ROBO4: variants seen among roughly 807,000 people sequenced by gnomAD.
The protein encoded by ROBO4 is roundabout homolog 4.
In ROBO4, 80 loss-of-function variants were observed where a neutral mutation model predicts 103.3. That is an observed-to-expected ratio of 0.77 (90% confidence interval 0.65 to 0.93). ROBO4 has a LOEUF of 0.93. Among genes scored for constraint, ROBO4 ranks in the 40% least tolerant of loss-of-function variants. ROBO4 has a pLI of 0.00. For missense variants in ROBO4, 1,333 were observed against 1,305.3 expected (o/e 1.02, Z -0.33); for synonymous variants, 504 against 529.7 (o/e 0.95, Z 0.67).
In ROBO4 at chr11:124,894,210, G is replaced by A; in HGVS notation, c.1309C>T (p.Leu437Phe). 2 of 1,611,092 alleles carry A rather than the reference G, an allele frequency of 1.2e-6. No individual in the cohort carries two copies. The highest frequency in any genetic ancestry group is 1.7e-6 in the Non-Finnish European group (2 of 1,178,456). ...GAGEPSRPVC[L>F]LLEQAMERAT... ...TGGGCACTGCCCTCACCTAAAAGGA[G>A]GCAGACAGGTCTACTGGGCTCCCCA... The change falls in exon 8 of 18, where the codon CTC becomes TTC. Residue 437 changes from leucine to phenylalanine, a missense_variant. Physicochemically the swap from Leu to Phe is conservative, Grantham distance 22. Coordinates refer to ENST00000306534, the MANE Select transcript of ROBO4 (RefSeq NM_019055.6).
Position 124,884,802 on chromosome 11 carries a change from G to C in ROBO4, c.*89C>G. On this transcript the variant is annotated 3_prime_UTR_variant, in exon 18 of 18. Transcript: ENST00000306534. ...TGGACCCCAGCTGCAGAGAAACACA[G>C]GCCAAGACCCACACACCACAGCCCA... The C allele has an allele frequency of 6.9e-7, 1 of 1,449,292 alleles. No individual in the cohort carries two copies. The highest frequency in any genetic ancestry group is 1.1e-5 in the South Asian group (1 of 87,706). The allele number at this position is 1,449,292 out of a possible 1,614,324, so 89.8% of individuals were successfully genotyped here. A position where few individuals can be genotyped will look rare whatever the true frequency, so the allele number is the denominator to read the frequency against.
chr11:124,896,934 G>A lies in ROBO4; in HGVS notation c.398C>T (p.Ala133Val). The stretch of plus-strand genomic sequence containing the variant: ...GAAGCTCCCCTCCCAGGCCTCACCA[G>A]CCACAGACAGCCGAGCGCCTCTGCT... ...AVSRGARLSV[A>V]VLREDFQIQP... The change falls in exon 2 of 18, where the codon GCT becomes GTT. Residue 133 changes from alanine (A) to valine (V), a missense_variant and splice_region_variant. Coordinates refer to ENST00000306534, the MANE Select transcript of ROBO4 (RefSeq NM_019055.6). The A allele has an allele frequency of 6.2e-7, 1 of 1,611,578 alleles. No homozygotes were observed. Among genetic ancestry groups the A allele is most frequent in the East Asian group, 2.2e-5 (1 of 44,846 alleles).
rs1046115907 is a variant in ROBO4 at position 124,884,471 on chromosome 11, G to A, written c.*420C>T. The stretch of plus-strand genomic sequence containing the variant: ...GGAGGGGCCCAGGTAAGGCTGAGAG[G>A]GGGCTCCGAGAAGCTCCTTCCTCCA... On this transcript the variant is annotated 3_prime_UTR_variant, in exon 18 of 18. Coordinates refer to ENST00000306534, the MANE Select transcript of ROBO4 (RefSeq NM_019055.6). 3 of 223,382 alleles carry A rather than the reference G, an allele frequency of 1.3e-5. No individual in the cohort carries two copies. In the Admixed American group the frequency reaches 1.6e-4, roughly 12 times the overall value. 13.8% of individuals were successfully genotyped at this position (223,382 alleles called of 1,614,324 possible).
rs761647720 is a variant in ROBO4 at position 124,887,478 on chromosome 11, A to G, written c.2078T>C (p.Val693Ala). The change falls in exon 14 of 18, where the codon GTT becomes GCT. Residue 693 changes from valine to alanine, a missense_variant. Coordinates refer to ENST00000306534, the MANE Select transcript of ROBO4 (RefSeq NM_019055.6). Reference protein sequence around the residue: ...QSPGAVPQALVAWRALGPKLL... With the variant: ...QSPGAVPQALAAWRALGPKLL... ...TTTCGGTCCCAGGGCCCGCCAGGCA[A>G]CCAGAGCTTGGGGCACAGCTCCTGG... 7 of 1,613,738 alleles carry G rather than the reference A, an allele frequency of 4.3e-6. No homozygotes were observed. In the East Asian group the frequency reaches 1.3e-4, roughly 31 times the overall value.
At chr11:124,889,215 A>T (rs1946764972) in intron 12 of ROBO4, among the ~76,000 whole-genome samples, 1 of 152,140 alleles carries the variant, frequency 6.6e-6, no homozygotes, top group African/African-American at 2.4e-5. Flanking sequence ...CTTTCATATG[A>T]CCCAGGTAAT....
rs1470104304 is a variant in ROBO4, at chr11:124,886,562, G to T, written c.2696C>A (p.Ser899Tyr). Residue 899 changes from serine to tyrosine, a missense_variant, in exon 16 of 18, where the codon TCC (serine) becomes TAC (tyrosine). Transcript: ENST00000306534. ...RASLVSSSDGSFLADAHFARA... is the reference protein window; with the variant it reads ...RASLVSSSDGYFLADAHFARA... ...GGCAAAGTGAGCATCAGCGAGGAAG[G>T]AGCCATCGGAGGAGCTGACAAGGCT... The T allele has an allele frequency of 6.2e-7, 1 of 1,614,212 alleles. No individual in the cohort carries two copies. The highest frequency in any genetic ancestry group is 2.2e-5 in the East Asian group (1 of 44,880).
At chr11:124,887,943 G>T in intron 12 of ROBO4, 103 bp from the exon 13 acceptor site, 2 of 892,104 alleles carry the variant, frequency 2.2e-6, no homozygotes, top group South Asian at 1.8e-5. Context: ...GCACGACCCT[G>T]AACCCAGAGA....
At chr11:124,887,536 T>C in intron 13 of ROBO4, 37 bp from the exon 14 acceptor site, 1 of 1,611,946 alleles carries the variant, frequency 6.2e-7, no homozygotes, top group Non-Finnish European at 8.5e-7. Context: ...AACAGTGGCA[T>C]CCCCATCTGC....
Position 124,897,256 on chromosome 11 carries a change from T to C in ROBO4, c.76A>G (p.Met26Val), listed in dbSNP as rs1306559365. 2.1e-6 allele frequency: 3 copies of C among 1,440,018 alleles called. No individual in the cohort carries two copies. The highest frequency in any genetic ancestry group is 2.9e-5 in the African/African-American group (2 of 69,644). 89.2% of individuals were successfully genotyped at this position (1,440,018 alleles called of 1,614,324 possible). Residue 26 changes from methionine (M) to valine (V), a missense_variant, in exon 2 of 18, where the codon ATG (methionine) becomes GTG (valine). Transcript: ENST00000306534. ...ATCTGGGGCGGGGAGTCCTGAGCCA[T>C]GCCTCCTGGGAGGGAAAGGGAGCAG... ...PLLLLLIMGG[M>V]AQDSPPQILV...
intron 12 of ROBO4, among the ~76,000 whole-genome samples, chr11:124,889,331 G>T (rs547715090): frequency 1.3e-5 from 2 of 152,282 alleles, no homozygotes; most frequent in Non-Finnish European, 2.9e-5. Context: ...GCACAAGTTG[G>T]TTGGCTGGTT....
At position 124,886,448 on chromosome 11, in the gene ROBO4, G is replaced by T. The variant is rs1358584153; in HGVS notation, c.2794+16C>A. On this transcript the variant is annotated intron_variant, in intron 16 of 17. Transcript: ENST00000306534. ...AGGGGCATGAGTGAGGAGTAAGATGGGGAGACCTCACATACCTATGAAGAC... is the reference window on the plus strand; with the variant it reads ...AGGGGCATGAGTGAGGAGTAAGATGTGGAGACCTCACATACCTATGAAGAC... 6 of 1,586,680 alleles carry T rather than the reference G, an allele frequency of 3.8e-6. No individual in the cohort carries two copies. The highest frequency in any genetic ancestry group is 5.2e-6 in the Non-Finnish European group (6 of 1,157,446).
Position 124,891,440 on chromosome 11 carries a change from C to T in ROBO4, c.1807G>A (p.Ala603Thr). ...TPARPSPQVP[A>T]VRRLPPQLAQ... is the part of the protein sequence containing the mutation. ...AGCTGGGGTGGGAGGCGCCTGACAG[C>T]TGGGACCTGGGGACTTGGCCTGGCT... Residue 603 changes from alanine to threonine, a missense_variant, in exon 12 of 18, where the codon GCT becomes ACT. By Grantham distance (58) the Ala-to-Thr change is moderately conservative (BLOSUM62 0). Coordinates refer to ENST00000306534, the MANE Select transcript of ROBO4 (RefSeq NM_019055.6). 1 of 1,599,254 alleles carries T rather than the reference C, an allele frequency of 6.3e-7. No homozygotes were observed. Among genetic ancestry groups the T allele is most frequent in the Non-Finnish European group, 8.5e-7 (1 of 1,171,646 alleles).
intron 16 of ROBO4, among the ~76,000 whole-genome samples, chr11:124,885,469 G>A (rs866468223): frequency 6.6e-6 from 1 of 152,116 alleles, no homozygotes; most frequent in African/African-American, 2.4e-5. Flanking sequence ...CCCAGCTCTG[G>A]CCTTCTATCT....
rs7104934 is a variant in ROBO4 at position 124,886,510 on chromosome 11, G to A, written c.2748C>T (p.Ser916=). Residue 916 remains serine, a synonymous_variant, in exon 16 of 18, where the codon AGC becomes AGT. Transcript: ENST00000306534. The stretch of plus-strand genomic sequence containing the variant: ...CCCTGGGCTCTAGACCGAAACCAAA[G>A]CTATCCACAGCCACTGCCAGGGCCC... ...FARALAVAVD[S]FGFGLEPREA... is the part of the protein sequence containing the mutation. 255,166 of 1,613,978 alleles carry A rather than the reference G, an allele frequency of 0.16. 23,521 individuals are homozygous for A. Among genetic ancestry groups the A allele is most frequent in the African/African-American group, 0.42 (31,245 of 74,960 alleles).
Position 124,895,469 on chromosome 11 carries a change from G to T in ROBO4, c.1024C>A (p.Leu342Met). The change falls in exon 6 of 18, where the codon CTG (leucine) becomes ATG (methionine). Residue 342 changes from leucine (L) to methionine (M), a missense_variant. By Grantham distance (15) the Leu-to-Met change is conservative. Transcript: ENST00000306534. Reference protein sequence around the residue: ...GPDSNVLLLRLPEKVPSAPPQ... With the variant: ...GPDSNVLLLRMPEKVPSAPPQ... Reference sequence around the variant, plus strand: ...ATCAGGCCCTGACCTTTTTCCGGCAGCCTCAGGAGCAGCACGTTGCTGTCA... The same window carrying T: ...ATCAGGCCCTGACCTTTTTCCGGCATCCTCAGGAGCAGCACGTTGCTGTCA... 6.2e-7 allele frequency: 1 copy of T among 1,609,822 alleles called. No individual in the cohort carries two copies. Among genetic ancestry groups the T allele is most frequent in the Non-Finnish European group, 8.5e-7 (1 of 1,179,880 alleles).
chr11:124,889,018 G>A (rs1413037616), intron 12 of ROBO4, among the ~76,000 whole-genome samples: 2 of 152,158 alleles, frequency 1.3e-5, no homozygotes, highest in Non-Finnish European at 1.5e-5. Flanking sequence ...TCAGAGATCT[G>A]GGGGCCACTA....
In ROBO4 at chr11:124,891,665, C is replaced by G; in HGVS notation, c.1684+1G>C. The G allele has an allele frequency of 6.2e-7, 1 of 1,614,208 alleles. No homozygotes were observed. Reference sequence around the variant, plus strand: ...CCCTTGCCCCCACTGAGCATGCTCACAGGAGCGACGACAGTCTAGTGGGTC... The same window carrying G: ...CCCTTGCCCCCACTGAGCATGCTCAGAGGAGCGACGACAGTCTAGTGGGTC... On this transcript the variant is annotated splice_donor_variant, in intron 11 of 17. Coordinates refer to ENST00000306534, the MANE Select transcript of ROBO4 (RefSeq NM_019055.6). LOFTEE classifies it high-confidence loss of function.
At chr11:124,887,258 T>C (rs1347947095) in intron 14 of ROBO4, 45 bp from the exon 15 acceptor site, 3 of 1,592,454 alleles carry the variant, frequency 1.9e-6, no homozygotes, top group Non-Finnish European at 2.6e-6. Flanking sequence ...ACTACAGCTC[T>C]TCAAGTCCTT....
chr11:124,886,379 G>A, intron 16 of ROBO4, 85 bp downstream of exon 16: 1 of 1,029,844 alleles, frequency 9.7e-7, no homozygotes, highest in Non-Finnish European at 1.5e-6. Context: ...AATAAAACTA[G>A]TTGTTTTAAC....
Sources: allele counts gnomAD v4.1 joint callset (sites outside exome capture counted in the v4.1 genomes callset), GRCh38; gene constraint gnomAD v4.1.1; transcripts MANE v1.5; gene names NCBI Gene and HGNC (gene_info 2026-07-23, HGNC 2026-07-21).